Variants in TOGARAM1 observed in about 807,000 individuals in gnomAD.
TOGARAM1 encodes the protein TOG array regulator of axonemal microtubules 1.
In TOGARAM1, 100 loss-of-function variants were observed where a neutral mutation model predicts 166.6. The observed-to-expected ratio is 0.60, with a 90% CI of 0.51 to 0.71. The LOEUF (loss-of-function observed/expected upper bound fraction) is 0.71. Ranked by LOEUF, TOGARAM1 falls within the 30% of genes least tolerant of loss-of-function variation. The pLI is 0.00. For missense variants in TOGARAM1, 2,029 were observed against 2,102.7 expected, an observed-to-expected ratio of 0.96 and a Z score of 0.69; for synonymous variants, 758 against 763.8, an observed-to-expected ratio of 0.99 and a Z score of 0.13.
At chr14:45,060,898 C>T (rs1410873793) in intron 16 of TOGARAM1, among the ~76,000 whole-genome samples, 1 of 152,154 alleles carries the variant, frequency 6.6e-6, no homozygotes, top group East Asian at 1.9e-4. Context: ...TTCTGCTAGG[C>T]ACTGTACTAT....
At chr14:44,998,810 C>T (rs935235349) in intron 2 of TOGARAM1, among the ~76,000 whole-genome samples, 3 of 151,814 alleles carry the variant, frequency 2.0e-5, no homozygotes, top group African/African-American at 7.3e-5. Flanking sequence ...TTTCTTTAGA[C>T]TTATTCATCT....
At chr14:45,001,109 A>C (rs1468628795) in intron 3 of TOGARAM1, among the ~76,000 whole-genome samples, 1 of 152,160 alleles carries the variant, frequency 6.6e-6, no homozygotes, top group Non-Finnish European at 1.5e-5. Flanking sequence ...AGCAGTGTAC[A>C]AGCATTCCTT....
rs1002118848 is a variant in TOGARAM1 at position 45,018,275 on chromosome 14, T to C, written c.3238+6200T>C. On this transcript the variant is annotated intron_variant, in intron 7 of 19. Transcript: ENST00000361462. Reference sequence around the variant, plus strand: ...TTTTCTTTTTTGAAACAGTCTCGTCTGTTGCTCAGGCTAGAGAGCAGTGGT... The same window carrying C: ...TTTTCTTTTTTGAAACAGTCTCGTCCGTTGCTCAGGCTAGAGAGCAGTGGT... 2.0e-5 allele frequency among the ~76,000 whole-genome samples: 3 copies of C among 152,154 alleles called. No homozygotes were observed. The East Asian group carries it at 5.8e-4, about 29-fold the overall frequency.
Position 45,027,352 on chromosome 14 carries a change from T to C in TOGARAM1, c.3382T>C (p.Ser1128Pro). ...AGCAACCTGCAGCCAATCAGTGATA[T>C]CTTCTGTGGAAAATGGGGATACATT... Reference protein sequence around the residue: ...APATCSQSVISSVENGDTFSI... With the variant: ...APATCSQSVIPSVENGDTFSI... The change falls in exon 9 of 20, where the codon TCT (serine) becomes CCT (proline). Residue 1128 changes from serine (S) to proline (P), a missense_variant. Ser to Pro is a moderately conservative substitution (Grantham distance 74, BLOSUM62 -1). Coordinates refer to ENST00000361462, the MANE Select transcript of TOGARAM1 (RefSeq NM_001308120.2). 1 of 1,613,636 alleles carries C rather than the reference T, an allele frequency of 6.2e-7. No homozygotes were observed. Among genetic ancestry groups the C allele is most frequent in the Non-Finnish European group, 8.5e-7 (1 of 1,179,870 alleles).
In TOGARAM1 at chr14:45,009,046, C is replaced by G; in HGVS notation, c.3038C>G (p.Ser1013Cys). The G allele has an allele frequency of 6.2e-7, 1 of 1,614,106 alleles. No individual in the cohort carries two copies. The highest frequency in any genetic ancestry group is 8.5e-7 in the Non-Finnish European group (1 of 1,179,984). ...TTGACGATGGACTCCCCGTCTCTGTCTTCCTCACCAAACATCAATTCTTAC... is the reference window on the plus strand; with the variant it reads ...TTGACGATGGACTCCCCGTCTCTGTGTTCCTCACCAAACATCAATTCTTAC... ...LDLTMDSPSL[S>C]SSPNINSYSE... Residue 1013 changes from serine (S) to cysteine (C), a missense_variant, in exon 6 of 20, where the codon TCT becomes TGT. Transcript: ENST00000361462.
chr14:45,068,058 G>A (rs533959217), intron 17 of TOGARAM1, among the ~76,000 whole-genome samples: 1 of 152,178 alleles, frequency 6.6e-6, no homozygotes, highest in Admixed American at 6.5e-5. Flanking sequence ...GATAAAAACA[G>A]AAACTTTTCT....
intron 2 of TOGARAM1, 136 bp from the exon 3 acceptor site, chr14:44,999,227 T>C: frequency 2.6e-6 from 2 of 765,286 alleles, no homozygotes; most frequent in Admixed American, 7.1e-5. Flanking sequence ...ATCCCTTTCT[T>C]GCCTGCCTAC....
Position 45,073,596 on chromosome 14 carries a change from GT to G in TOGARAM1, c.*38del. On this transcript the variant is annotated 3_prime_UTR_variant, in exon 20 of 20. Transcript: ENST00000361462. ...AAAATACTGTATGATGAACAAAAGT[GT>G]TTACATGATGACAAATGGAACTTTC... The G allele has an allele frequency of 6.4e-7, 1 of 1,573,922 alleles. No homozygotes were observed. The highest frequency in any genetic ancestry group is 8.6e-7 in the Non-Finnish European group (1 of 1,158,316).
intron 19 of TOGARAM1, among the ~76,000 whole-genome samples, chr14:45,072,787 T>G (rs1406056237): frequency 6.6e-6 from 1 of 151,456 alleles, no homozygotes; most frequent in East Asian, 1.9e-4. Flanking sequence ...GAGTATCTAG[T>G]AGAAAGAAGG....
chr14:45,066,486 T>C (rs1343048024), intron 16 of TOGARAM1, 92 bp from the exon 17 acceptor site: 1 of 1,188,898 alleles, frequency 8.4e-7, no homozygotes, highest in Non-Finnish European at 1.2e-6. Context: ...TTTTGGAAAA[T>C]GAATGCATAA....
At chr14:44,996,280 C>G (rs1032461864) in intron 2 of TOGARAM1, 3 of 152,776 alleles carry the variant, frequency 2.0e-5, no homozygotes, top group African/African-American at 4.8e-5. Flanking sequence ...GAAAACAAAG[C>G]GAAAGAAGGC....
At chr14:45,058,689 A>T (rs1026352318) in intron 16 of TOGARAM1, among the ~76,000 whole-genome samples, 14 of 152,074 alleles carry the variant, frequency 9.2e-5, no homozygotes, top group African/African-American at 3.4e-4. Context: ...CATGTTTTTT[A>T]TCCAGTTTGC....
chr14:44,991,221 G>A (rs992098953), intron 1 of TOGARAM1, among the ~76,000 whole-genome samples: 4 of 151,886 alleles, frequency 2.6e-5, no homozygotes, highest in African/African-American at 9.7e-5. Flanking sequence ...ACCTCTCAAA[G>A]TGCTGAGATT....
chr14:45,044,623 A>T lies in TOGARAM1; in HGVS notation c.3919-12A>T, dbSNP rs1311224047. The T allele has an allele frequency of 2.0e-6, 3 of 1,536,124 alleles. No individual in the cohort carries two copies. Among genetic ancestry groups the T allele is most frequent in the African/African-American group, 1.4e-5 (1 of 71,836 alleles). On this transcript the variant is annotated splice_polypyrimidine_tract_variant and intron_variant, in intron 12 of 19. Transcript: ENST00000361462. ...AATATCAGCAAAATGTACATTTTGA[A>T]TTTTTTTTTAGGTGAAAAATTTACG...
chr14:45,027,681 G>A (rs569761253), intron 9 of TOGARAM1, among the ~76,000 whole-genome samples: 48 of 152,058 alleles, frequency 3.2e-4, no homozygotes, highest in South Asian at 2.1e-4. Flanking sequence ...AAATTAGCCC[G>A]AGAAAGTAGA....
At chr14:45,045,581 ATATGTGTGTGTGTGTGTG>A (rs1881984118) in intron 13 of TOGARAM1, among the ~76,000 whole-genome samples, 1 of 33,154 alleles carries the variant, frequency 3.0e-5, no homozygotes, top group South Asian at 1.1e-3. Flanking sequence ...ATATATATAT[ATATGTGTGTGTGTGTGTG>A]TGTGTGTGTG....
chr14:45,040,360 T>C (rs950214039), intron 11 of TOGARAM1, among the ~76,000 whole-genome samples: 1 of 152,058 alleles, frequency 6.6e-6, no homozygotes, highest in Non-Finnish European at 1.5e-5. Flanking sequence ...GAAGAAAAGT[T>C]CTATATCAAG....
rs543099258 is a variant in TOGARAM1 at position 44,987,190 on chromosome 14, C to T, written c.2047-8556C>T. 1.1e-4 allele frequency among the ~76,000 whole-genome samples: 17 copies of T among 151,724 alleles called. 3 individuals carry two copies. The highest frequency in any genetic ancestry group is 3.4e-4 in the African/African-American group (14 of 41,396). The stretch of plus-strand genomic sequence containing the variant: ...ATCTGACCTCGTGATCTGCCCGCCT[C>T]GGCCTCCCAAAGTGCTGGGATTACA... On this transcript the variant is annotated intron_variant, in intron 1 of 19. Transcript: ENST00000361462.
chr14:45,043,654 AC>A (rs1470233271), intron 11 of TOGARAM1, 31 bp from the exon 12 acceptor site: 2 of 1,210,642 alleles, frequency 1.7e-6, no homozygotes, highest in African/African-American at 1.5e-5. Context: ...GTCCCATTTA[AC>A]GAATGATCTT....
Sources: gnomAD v4.1 joint callset for allele counts (sites outside exome capture counted in the v4.1 genomes callset) on GRCh38, gnomAD v4.1.1 for gene constraint, MANE v1.5 for transcripts, NCBI Gene and HGNC (gene_info 2026-07-23, HGNC 2026-07-21) for gene names.